The following SH2D5 variants were observed in gnomAD, a reference collection of about 807,000 sequenced individuals.
SH2D5 encodes the protein SH2 domain-containing protein 5.
SH2D5 carries 45 observed loss-of-function variants against 48.2 expected under a neutral mutation model. That is an observed-to-expected ratio of 0.93 (90% CI 0.73 to 1.20). The LOEUF (loss-of-function observed/expected upper bound fraction) is 1.20. Among genes scored for constraint, SH2D5 ranks in the 50% most tolerant of loss-of-function variants. The probability of loss-of-function intolerance (pLI) is 0.00; values close to 1 mark genes in which losing one functional copy is unlikely to be tolerated. For missense variants in SH2D5, 538 were observed against 584.1 expected (o/e 0.92, Z 0.81); for synonymous variants, 230 against 249.8 (o/e 0.92, Z 0.75).
chr1:20,726,581 T>G (rs922082166), intron 4 of SH2D5, among the ~76,000 whole-genome samples: 1 of 152,002 alleles, frequency 6.6e-6, no homozygotes, highest in African/African-American at 2.4e-5. Context: ...GCAATCAGTG[T>G]CCGCCCCACG....
chr1:20,728,082 G>A lies in SH2D5; in HGVS notation c.-38C>T, dbSNP rs1054883529. On this transcript the variant is annotated 5_prime_UTR_variant, in exon 2 of 10. Coordinates refer to ENST00000444387, the MANE Select transcript of SH2D5 (RefSeq NM_001103161.2). The surrounding 1 kb of genome is among the most constrained non-coding windows in gnomAD (Gnocchi z 4.3). ...GCCTGGCTTCCAGCTCCACGGGAGG[G>A]GAGGCTGCAAAGGGCAGGGGGGGAA... 6 of 1,454,056 alleles carry A rather than the reference G, an allele frequency of 4.1e-6. No individual in the cohort carries two copies. The highest frequency in any genetic ancestry group is 2.8e-5 in the African/African-American group (2 of 71,540). 90.1% of individuals were successfully genotyped at this position (1,454,056 alleles called of 1,614,324 possible).
In SH2D5 at chr1:20,720,492, G is replaced by A. The variant is rs1391492844; in HGVS notation, c.*1300C>T. The A allele has an allele frequency of 6.6e-6, 1 of 152,266 alleles. No homozygotes were observed. The highest frequency in any genetic ancestry group is 6.5e-5 in the Admixed American group (1 of 15,292). 9.4% of individuals were successfully genotyped at this position (152,266 alleles called of 1,614,324 possible). ...AGAAATCTGTGACTTTCAAGGCACT[G>A]AACAGTTCTGTCCCACTCCCAGACG... On this transcript the variant is annotated 3_prime_UTR_variant, in exon 10 of 10. Coordinates refer to ENST00000444387, the MANE Select transcript of SH2D5 (RefSeq NM_001103161.2).
chr1:20,723,040 G>A, intron 8 of SH2D5, 125 bp from the exon 9 acceptor site: 4 of 884,634 alleles, frequency 4.5e-6, no homozygotes, highest in Non-Finnish European at 6.4e-6. Flanking sequence ...CGTTGGCCGG[G>A]CTCAGTGGCT....
intron 5 of SH2D5, among the ~76,000 whole-genome samples, chr1:20,724,874 C>T (rs1051571096): frequency 1.3e-5 from 2 of 152,344 alleles, no homozygotes; most frequent in Non-Finnish European, 1.5e-5. Context: ...CCAGGCATCA[C>T]GCTTGGAGCA....
chr1:20,726,122 G>A, intron 4 of SH2D5, 56 bp from the exon 5 acceptor site: 1 of 1,528,088 alleles, frequency 6.5e-7, no homozygotes, highest in Non-Finnish European at 8.8e-7. Flanking sequence ...CCCCACCCCT[G>A]CTTGCCAGCC....
Position 20,726,041 on chromosome 1 carries a change from C to A in SH2D5, c.269G>T (p.Arg90Met), listed in dbSNP as rs1170849419. Reference sequence around the variant, plus strand: ...GCACCAGGTGGAGTAGAGTATGCGCCTCAGGGCATGAGCCATCAGCAGCAC... The same window carrying A: ...GCACCAGGTGGAGTAGAGTATGCGCATCAGGGCATGAGCCATCAGCAGCAC... ...GEVLLMAHAL[R>M]RILYSTWCPA... Residue 90 changes from arginine (R) to methionine (M), a missense_variant, in exon 5 of 10, where the codon AGG becomes ATG. Arg to Met is a moderately conservative substitution (Grantham distance 91, BLOSUM62 -1). Transcript: ENST00000444387. The A allele has an allele frequency of 6.2e-7, 1 of 1,608,482 alleles. No individual in the cohort carries two copies. Among genetic ancestry groups the A allele is most frequent in the Admixed American group, 1.7e-5 (1 of 59,252 alleles).
In SH2D5 at chr1:20,724,484, T is replaced by G; in HGVS notation, c.542A>C (p.Glu181Ala). 1 of 1,612,766 alleles carries G rather than the reference T, an allele frequency of 6.2e-7. No homozygotes were observed. The highest frequency in any genetic ancestry group is 1.1e-5 in the South Asian group (1 of 91,074). ...AGAGAGCTGATCACGGCCGAAGGGC[T>G]CCCGCACCAGGCCCCCAGAGCTGGA... ...PLSSSGGLVR[E>A]PFGRDQLSQN... The change falls in exon 6 of 10, where the codon GAG (glutamate) becomes GCG (alanine). Residue 181 changes from glutamate (E) to alanine (A), a missense_variant. Coordinates refer to ENST00000444387, the MANE Select transcript of SH2D5 (RefSeq NM_001103161.2).
chr1:20,722,700 G>A, intron 9 of SH2D5, 56 bp downstream of exon 9: 1 of 1,401,434 alleles, frequency 7.1e-7, no homozygotes, highest in Non-Finnish European at 9.4e-7. Flanking sequence ...GGAAGGGCCA[G>A]GGATGGAGCC....
Position 20,725,926 on chromosome 1 carries a change from T to C in SH2D5, c.384A>G (p.Pro128=), listed in dbSNP as rs760017040. The C allele has an allele frequency of 4.0e-5, 65 of 1,613,066 alleles. No homozygotes were observed. Among genetic ancestry groups the C allele is most frequent in the Non-Finnish European group, 5.3e-5 (63 of 1,179,930 alleles). The change falls in exon 5 of 10, where the codon CCA becomes CCG. Residue 128 remains proline, a synonymous_variant. Transcript: ENST00000444387. ...TGCCTCAAGCCCCAGATACCTCTCCTGGCTGGCTGCCCACAAAGAGGTGGC... is the reference window on the plus strand; with the variant it reads ...TGCCTCAAGCCCCAGATACCTCTCCCGGCTGGCTGCCCACAAAGAGGTGGC... ...LFCHLFVGSQ[P]GEVQILHLLL...
chr1:20,724,011 C>T (rs578016341), intron 7 of SH2D5, 72 bp downstream of exon 7: 2 of 1,556,946 alleles, frequency 1.3e-6, no homozygotes, highest in African/African-American at 2.7e-5. Flanking sequence ...TCACGCCCAC[C>T]TCTGGCTGGT....
chr1:20,725,106 C>T (rs1276627266), intron 5 of SH2D5, among the ~76,000 whole-genome samples: 1 of 152,218 alleles, frequency 6.6e-6, no homozygotes. Flanking sequence ...CTCCCTGTGC[C>T]CCTTTGAGGA....
chr1:20,727,688 A>C, intron 2 of SH2D5, 85 bp from the exon 3 acceptor site: 1 of 1,233,600 alleles, frequency 8.1e-7, no homozygotes, highest in Non-Finnish European at 1.1e-6. Flanking sequence ...CCCCAAACAC[A>C]CATCTGCTCT....
At chr1:20,726,383 C>T (rs1000837765) in intron 4 of SH2D5, among the ~76,000 whole-genome samples, 1 of 152,148 alleles carries the variant, frequency 6.6e-6, no homozygotes, top group Non-Finnish European at 1.5e-5. Context: ...CTCTGAGCGC[C>T]TGTTGTGACG....
In SH2D5 at chr1:20,728,070, C is replaced by G; in HGVS notation, c.-26G>C. ...GGCCCCCAGGGTGCCTGGCTTCCAGCTCCACGGGAGGGGAGGCTGCAAAGG... is the reference window on the plus strand; with the variant it reads ...GGCCCCCAGGGTGCCTGGCTTCCAGGTCCACGGGAGGGGAGGCTGCAAAGG... On this transcript the variant is annotated 5_prime_UTR_variant, in exon 2 of 10. Coordinates refer to ENST00000444387, the MANE Select transcript of SH2D5 (RefSeq NM_001103161.2). The surrounding 1 kb of genome is among the most constrained non-coding windows in gnomAD (Gnocchi z 4.3). 6.7e-7 allele frequency: 1 copy of G among 1,502,964 alleles called. No homozygotes were observed. The highest frequency in any genetic ancestry group is 9.0e-7 in the Non-Finnish European group (1 of 1,111,838). The allele number at this position is 1,502,964 out of a possible 1,614,324, so 93.1% of individuals were successfully genotyped here.
chr1:20,726,590 C>T (rs1487581339), intron 4 of SH2D5, among the ~76,000 whole-genome samples: 3 of 152,124 alleles, frequency 2.0e-5, no homozygotes, highest in South Asian at 2.1e-4. Context: ...GTCCGCCCCA[C>T]GCTGGTTCAG....
intron 1 of SH2D5, chr1:20,730,945 G>A (rs970332798): frequency 5.9e-5 from 9 of 152,314 alleles, no homozygotes; most frequent in Non-Finnish European, 1.3e-4. Context: ...AGTTGTGTCA[G>A]GGGGAGACCA....
intron 4 of SH2D5, 106 bp downstream of exon 4, chr1:20,726,895 C>A (rs772034029): frequency 1.1e-6 from 1 of 944,858 alleles, no homozygotes; most frequent in Non-Finnish European, 1.5e-6. Flanking sequence ...CCAGGGGAAG[C>A]ACGGGGGCCG....
At chr1:20,726,615 T>C (rs2054804667) in intron 4 of SH2D5, among the ~76,000 whole-genome samples, 1 of 152,104 alleles carries the variant, frequency 6.6e-6, no homozygotes, top group Admixed American at 6.5e-5. Flanking sequence ...AGGACGAGCC[T>C]GCAGCAGGGC....
intron 7 of SH2D5, 108 bp from the exon 8 acceptor site, chr1:20,723,842 T>C: frequency 9.6e-7 from 1 of 1,037,806 alleles, no homozygotes; most frequent in South Asian, 1.5e-5. Flanking sequence ...CTCTCTACCC[T>C]GCTCAGCAGA....
Sources: allele counts gnomAD v4.1 joint callset (sites outside exome capture counted in the v4.1 genomes callset), GRCh38; gene constraint gnomAD v4.1.1; non-coding constraint Gnocchi (gnomAD v3.1); transcripts MANE v1.5; gene names NCBI Gene and HGNC (gene_info 2026-07-23, HGNC 2026-07-21).